The following MRPL22 variants were observed in gnomAD, a reference collection of about 807,000 sequenced individuals.
The protein encoded by MRPL22 is mitochondrial ribosomal protein L22.
In MRPL22, 27 loss-of-function variants were observed where a neutral mutation model predicts 32.4. That is an observed-to-expected ratio of 0.83 (90% CI 0.61 to 1.15). The LOEUF (loss-of-function observed/expected upper bound fraction) is 1.15. Ranked by LOEUF, MRPL22 falls within the 50% of genes most tolerant of loss-of-function variation. The pLI, the probability that MRPL22 is intolerant of heterozygous loss-of-function variation, is 0.00. For synonymous variants in MRPL22, 86 were observed against 87.3 expected (o/e 0.99, Z 0.08); for missense variants, 239 against 260.2 (o/e 0.92, Z 0.56).
At chr5:154,960,426 A>T (rs750145964) in intron 6 of MRPL22, among the ~76,000 whole-genome samples, 2 of 152,224 alleles carry the variant, frequency 1.3e-5, no homozygotes, top group African/African-American at 2.4e-5. Context: ...CATTTAAAAA[A>T]TTTTTATTTA....
In MRPL22 at chr5:154,967,789, C is replaced by T. The variant is rs192540870; in HGVS notation, c.*892C>T. ...CAACTTTTGCATGCAAAAGAAGAAT[C>T]GAGGATGCTTGCTTGTTAATGCAGA... On this transcript the variant is annotated 3_prime_UTR_variant, in exon 7 of 7. Transcript: ENST00000523037. This position sits in a 1 kb window ranked among gnomAD's most constrained non-coding sequence, Gnocchi z 4.7. The T allele has an allele frequency of 5.3e-5, 8 of 152,284 alleles. No homozygotes were observed. Among genetic ancestry groups the T allele is most frequent in the Non-Finnish European group, 1.0e-4 (7 of 68,024 alleles). The allele number at this position is 152,284 out of a possible 1,614,324, so 9.4% of individuals were successfully genotyped here.
rs1378827841 is a variant in MRPL22 at position 154,968,335 on chromosome 5, T to C, written c.*1438T>C. 6.6e-6 allele frequency: 1 copy of C among 152,208 alleles called. No homozygotes were observed. Among genetic ancestry groups the C allele is most frequent in the Non-Finnish European group, 1.5e-5 (1 of 68,040 alleles). The allele number at this position is 152,208 out of a possible 1,614,324, so 9.4% of individuals were successfully genotyped here. A position where few individuals can be genotyped will look rare whatever the true frequency, so the allele number is the denominator to read the frequency against. On this transcript the variant is annotated 3_prime_UTR_variant, in exon 7 of 7. Coordinates refer to ENST00000523037, the MANE Select transcript of MRPL22 (RefSeq NM_014180.4). The stretch of plus-strand genomic sequence containing the variant: ...ATTCATTCTGGGTCCTAAGCTGTTG[T>C]AGCATGGAGTCAGGGAAATAACACT...
intron 2 of MRPL22, among the ~76,000 whole-genome samples, chr5:154,944,509 T>C (rs1764463054): frequency 6.6e-6 from 1 of 152,220 alleles, no homozygotes; most frequent in East Asian, 1.9e-4. Context: ...GTCTCTGTAT[T>C]CTTTCATTGA....
At chr5:154,956,261 A>G in intron 3 of MRPL22, 110 bp from the exon 4 acceptor site, 3 of 695,286 alleles carry the variant, frequency 4.3e-6, no homozygotes, top group Admixed American at 3.1e-5. Flanking sequence ...TTATGGCAGC[A>G]TTTTCTTTAG....
rs1764810321 is a variant in MRPL22 at position 154,969,003 on chromosome 5, T to C, written c.*2106T>C. On this transcript the variant is annotated 3_prime_UTR_variant, in exon 7 of 7. Transcript: ENST00000523037. ...CTTTCCCATTGTGACATCCGGCTAG[T>C]TTTCGTGGCTAAGAGTGTACTTTCT... 2 of 152,242 alleles carry C rather than the reference T, an allele frequency of 1.3e-5. No individual in the cohort carries two copies. Among genetic ancestry groups the C allele is most frequent in the Non-Finnish European group, 2.9e-5 (2 of 68,056 alleles). 9.4% of individuals were successfully genotyped at this position (152,242 alleles called of 1,614,324 possible).
At chr5:154,949,457 G>T (rs1764530929) in intron 2 of MRPL22, among the ~76,000 whole-genome samples, 1 of 152,216 alleles carries the variant, frequency 6.6e-6, no homozygotes, top group Admixed American at 6.5e-5. Flanking sequence ...TACTCAAGCA[G>T]AGAAAGATGG....
At chr5:154,946,949 T>C (rs1764500004) in intron 2 of MRPL22, among the ~76,000 whole-genome samples, 1 of 152,212 alleles carries the variant, frequency 6.6e-6, no homozygotes, top group Non-Finnish European at 1.5e-5. Flanking sequence ...TGAGCCACCA[T>C]ACTTGGCCAA....
chr5:154,943,128 A>G (rs1437684490), intron 2 of MRPL22, among the ~76,000 whole-genome samples: 1 of 152,120 alleles, frequency 6.6e-6, no homozygotes, highest in African/African-American at 2.4e-5. Context: ...TGATTCAGTG[A>G]TGAGAAACTT....
rs753843114 is a variant in MRPL22 at position 154,957,134 on chromosome 5, G to C, written c.262-1G>C. The C allele has an allele frequency of 3.1e-6, 5 of 1,610,206 alleles. No individual in the cohort carries two copies. The highest frequency in any genetic ancestry group is 4.2e-6 in the Non-Finnish European group (5 of 1,177,132). The stretch of plus-strand genomic sequence containing the variant: ...TTTTGTCTCTCACCCTTTAATTCTA[G>C]ATACGAGGAATGTCTATTGACCAGG... On this transcript the variant is annotated splice_acceptor_variant, in intron 4 of 6. Coordinates refer to ENST00000523037, the MANE Select transcript of MRPL22 (RefSeq NM_014180.4). LOFTEE classifies it high-confidence loss of function.
intron 3 of MRPL22, among the ~76,000 whole-genome samples, chr5:154,953,711 G>A (rs1278577382): frequency 1.4e-5 from 2 of 138,496 alleles, no homozygotes; most frequent in South Asian, 2.2e-4. Context: ...TTTTGAGACA[G>A]GGTCTAGCTC....
chr5:154,950,643 C>T (rs1467111986), intron 2 of MRPL22, among the ~76,000 whole-genome samples, 178 bp from the exon 3 acceptor site: 2 of 152,188 alleles, frequency 1.3e-5, no homozygotes. Context: ...CTCTAATAAA[C>T]TGTCTCTTTG....
Position 154,941,086 on chromosome 5 carries a change from G to C in MRPL22, c.-25G>C, listed in dbSNP as rs529269361. 5.8e-5 allele frequency: 93 copies of C among 1,613,348 alleles called. No homozygotes were observed. The South Asian group carries it at 1.0e-3, about 17-fold the overall frequency. On this transcript the variant is annotated 5_prime_UTR_variant, in exon 1 of 7. Transcript: ENST00000523037. ...TGTCCAGAAGGCGCTTGAACTCGGCGGCTTCCGTAGCGGGAGGGCGAAAGA... is the reference window on the plus strand; with the variant it reads ...TGTCCAGAAGGCGCTTGAACTCGGCCGCTTCCGTAGCGGGAGGGCGAAAGA...
chr5:154,960,088 C>G, intron 6 of MRPL22, 39 bp downstream of exon 6: 1 of 1,388,902 alleles, frequency 7.2e-7, no homozygotes, highest in South Asian at 1.2e-5. Context: ...AAAATGTCTT[C>G]AGTAGTAATG....
intron 3 of MRPL22, chr5:154,955,125 GT>G (rs1363460315): frequency 6.6e-6 from 1 of 152,180 alleles, no homozygotes; most frequent in African/African-American, 2.4e-5. Context: ...ATTTCATTGA[GT>G]GGATTAATTT....
intron 6 of MRPL22, among the ~76,000 whole-genome samples, chr5:154,962,342 A>C (rs1051994410): frequency 2.0e-5 from 3 of 152,340 alleles, no homozygotes; most frequent in African/African-American, 7.2e-5. Context: ...TTTATTTAAT[A>C]AACAAGTTAA....
intron 2 of MRPL22, among the ~76,000 whole-genome samples, chr5:154,947,821 C>T (rs189028053): frequency 1.8e-4 from 27 of 152,154 alleles, no homozygotes; most frequent in African/African-American, 4.8e-5. Flanking sequence ...TAAGACAACG[C>T]GAGAATCATG....
intron 6 of MRPL22, among the ~76,000 whole-genome samples, chr5:154,963,669 A>G (rs1256287165): frequency 6.6e-6 from 1 of 152,236 alleles, no homozygotes; most frequent in East Asian, 1.9e-4. Flanking sequence ...GGGGCAATAC[A>G]AAAAGGGTAT....
At chr5:154,964,132 A>G (rs1764737757) in intron 6 of MRPL22, among the ~76,000 whole-genome samples, 1 of 152,184 alleles carries the variant, frequency 6.6e-6, no homozygotes, top group Admixed American at 6.5e-5. Flanking sequence ...TTATTAAGAT[A>G]GTGTTTTAAA....
chr5:154,944,486 T>C (rs984241603), intron 2 of MRPL22, among the ~76,000 whole-genome samples: 1 of 152,184 alleles, frequency 6.6e-6, no homozygotes, highest in Non-Finnish European at 1.5e-5. Context: ...CACTCAGTCC[T>C]CTTACCTTAC....
Sources: allele counts gnomAD v4.1 joint callset (sites outside exome capture counted in the v4.1 genomes callset), GRCh38; gene constraint gnomAD v4.1.1; non-coding constraint Gnocchi (gnomAD v3.1); transcripts MANE v1.5; gene names NCBI Gene and HGNC (gene_info 2026-07-23, HGNC 2026-07-21).